The following ANTXR2 variants were observed in gnomAD, a reference collection of about 807,000 sequenced individuals.
ANTXR2 encodes the protein anthrax toxin receptor 2.
A neutral mutation model predicts 73.7 loss-of-function variants in ANTXR2; 44 were observed. The ratio of observed to expected loss-of-function variants is 0.60; its 90% CI spans 0.47 to 0.77. The LOEUF (loss-of-function observed/expected upper bound fraction) is 0.77. ANTXR2 is among the 30% of genes least tolerant of loss of function. The pLI is 0.00. For missense variants in ANTXR2, 604 were observed against 592.5 expected, an observed-to-expected ratio of 1.02 and a Z score of -0.20; for synonymous variants, 217 against 205.9, an observed-to-expected ratio of 1.05 and a Z score of -0.46.
chr4:79,977,052 C>T (rs150215525), intron 16 of ANTXR2, among the ~76,000 whole-genome samples: 1 of 152,314 alleles, frequency 6.6e-6, no homozygotes, highest in East Asian at 1.9e-4. Flanking sequence ...TAGCCTCAGA[C>T]AGGCTTCCCT....
intron 11 of ANTXR2, among the ~76,000 whole-genome samples, chr4:80,011,340 A>C (rs1731577398): frequency 6.6e-6 from 1 of 151,462 alleles, no homozygotes; most frequent in African/African-American, 2.4e-5. Flanking sequence ...CTATCTATCT[A>C]TCTGTCTGTC....
chr4:80,057,081 C>T (rs1734035196), intron 3 of ANTXR2, among the ~76,000 whole-genome samples: 1 of 151,830 alleles, frequency 6.6e-6, no homozygotes, highest in Non-Finnish European at 1.5e-5. Context: ...TACACTTGAT[C>T]TTAACCAAAA....
intron 12 of ANTXR2, among the ~76,000 whole-genome samples, chr4:79,985,313 G>A (rs1034521573): frequency 1.4e-4 from 21 of 151,234 alleles, no homozygotes; most frequent in African/African-American, 4.4e-4. Flanking sequence ...TCGTGCCACC[G>A]GACTCCAGCC....
chr4:80,029,016 T>A (rs1732567213), intron 10 of ANTXR2, among the ~76,000 whole-genome samples: 1 of 152,160 alleles, frequency 6.6e-6, no homozygotes, highest in Non-Finnish European at 1.5e-5. Context: ...CACATCTCTG[T>A]CCCAGAACAT....
At chr4:79,949,688 A>G (rs1012597844) in intron 16 of ANTXR2, among the ~76,000 whole-genome samples, 2 of 152,178 alleles carry the variant, frequency 1.3e-5, no homozygotes, top group African/African-American at 4.8e-5. Context: ...TTAACCTCCA[A>G]CATACATAGT....
At chr4:79,952,856 G>C (rs960119864) in intron 16 of ANTXR2, among the ~76,000 whole-genome samples, 2 of 151,610 alleles carry the variant, frequency 1.3e-5, no homozygotes, top group African/African-American at 2.4e-5. Flanking sequence ...ACAACAGAGA[G>C]TACAAAGAAT....
intron 16 of ANTXR2, among the ~76,000 whole-genome samples, chr4:79,926,119 AT>A (rs1727770411): frequency 6.6e-6 from 1 of 152,150 alleles, no homozygotes; most frequent in Admixed American, 6.5e-5. Context: ...TTTCTGCTGA[AT>A]TAATTGATTA....
At chr4:80,067,802 A>G (rs1431194114) in intron 3 of ANTXR2, among the ~76,000 whole-genome samples, 1 of 152,166 alleles carries the variant, frequency 6.6e-6, no homozygotes, top group Non-Finnish European at 1.5e-5. Flanking sequence ...AACAATGAGA[A>G]CACATGAACA....
At chr4:80,032,822 T>G (rs1051960094) in intron 9 of ANTXR2, among the ~76,000 whole-genome samples, 1 of 151,950 alleles carries the variant, frequency 6.6e-6, no homozygotes, top group African/African-American at 2.4e-5. Context: ...AAAAACGTAC[T>G]CTTGGCTTTT....
At chr4:79,980,561 T>G (rs887742610) in intron 14 of ANTXR2, among the ~76,000 whole-genome samples, 1 of 152,168 alleles carries the variant, frequency 6.6e-6, no homozygotes, top group Non-Finnish European at 1.5e-5. Context: ...TAAAATTCCA[T>G]AATTTCCAGA....
intron 7 of ANTXR2, among the ~76,000 whole-genome samples, chr4:80,043,919 T>C (rs1733397718): frequency 6.6e-6 from 1 of 151,850 alleles, no homozygotes; most frequent in Admixed American, 6.6e-5. Flanking sequence ...CTATATCTAG[T>C]ATAATATGGT....
intron 11 of ANTXR2, among the ~76,000 whole-genome samples, chr4:80,015,086 C>T (rs996324420): frequency 5.9e-5 from 9 of 152,164 alleles, no homozygotes; most frequent in African/African-American, 1.9e-4. Context: ...CATTTTTCTT[C>T]CCCTTCCTAC....
At chr4:80,009,583 C>T (rs1317312540) in intron 11 of ANTXR2, among the ~76,000 whole-genome samples, 1 of 152,164 alleles carries the variant, frequency 6.6e-6, no homozygotes, top group African/African-American at 2.4e-5. Context: ...GGCACAATGG[C>T]TCACGCCTGT....
chr4:79,980,724 C>T (rs1158862572), intron 14 of ANTXR2, among the ~76,000 whole-genome samples: 1 of 152,084 alleles, frequency 6.6e-6, no homozygotes, highest in African/African-American at 2.4e-5. Context: ...TTATTAACAT[C>T]ATCTCCGTTC....
At chr4:79,992,447 T>G (rs1207431518) in intron 12 of ANTXR2, among the ~76,000 whole-genome samples, 1 of 151,886 alleles carries the variant, frequency 6.6e-6, no homozygotes. Flanking sequence ...AATCTCCTTT[T>G]GAATGCTACA....
At chr4:79,982,775 A>G (rs76653147) in intron 14 of ANTXR2, among the ~76,000 whole-genome samples, 83 of 152,312 alleles carry the variant, frequency 5.4e-4, no homozygotes, top group African/African-American at 1.9e-3. Context: ...ATAAAGGGCA[A>G]GCTCTCAGGG....
intron 12 of ANTXR2, among the ~76,000 whole-genome samples, chr4:80,006,397 C>T (rs13149103): frequency 1.3e-4 from 20 of 151,624 alleles, no homozygotes; most frequent in East Asian, 7.7e-4. Flanking sequence ...CTTTAGAAAA[C>T]GTTTGCTATC....
chr4:79,937,402 G>A (rs1442409177), intron 16 of ANTXR2, among the ~76,000 whole-genome samples: 1 of 152,126 alleles, frequency 6.6e-6, no homozygotes, highest in Non-Finnish European at 1.5e-5. Flanking sequence ...ACTGCATTTG[G>A]ACATATCTTC....
chr4:79,907,577 C>A, intron 16 of ANTXR2, 110 bp from the exon 17 acceptor site: 1 of 1,199,258 alleles, frequency 8.3e-7, no homozygotes, highest in Non-Finnish European at 1.2e-6. Context: ...AGGAAAGTAC[C>A]ATGTTAACTT....
Sources: gnomAD v4.1 joint callset for allele counts (sites outside exome capture counted in the v4.1 genomes callset) on GRCh38, gnomAD v4.1.1 for gene constraint, MANE v1.5 for transcripts, NCBI Gene and HGNC (gene_info 2026-07-23, HGNC 2026-07-21) for gene names.